PTPRG: variants seen among roughly 807,000 people sequenced by gnomAD.
PTPRG encodes protein tyrosine phosphatase receptor type G, also known as receptor-type tyrosine-protein phosphatase gamma.
Under a neutral mutation model 165.3 loss-of-function variants are expected in PTPRG, and 102 were observed. The ratio of observed to expected loss-of-function variants is 0.62; its 90% confidence interval spans 0.53 to 0.73. PTPRG has a LOEUF of 0.73. Ranked by LOEUF, PTPRG falls within the 30% of genes least tolerant of loss-of-function variation. The pLI, the probability that PTPRG is intolerant of heterozygous loss-of-function variation, is 0.00. For synonymous variants in PTPRG, 675 were observed against 669.5 expected, an observed-to-expected ratio of 1.01 and a Z score of -0.13; for missense variants, 1,866 against 1,861.4, an observed-to-expected ratio of 1.00 and a Z score of -0.05.
At chr3:61,871,810 G>A (rs768190170) in intron 2 of PTPRG, among the ~76,000 whole-genome samples, 3 of 152,156 alleles carry the variant, frequency 2.0e-5, no homozygotes, top group Non-Finnish European at 4.4e-5. Flanking sequence ...AACACGGCCT[G>A]CTTGCCTTCC....
chr3:61,950,886 T>A (rs2039883793), intron 2 of PTPRG, among the ~76,000 whole-genome samples: 1 of 152,234 alleles, frequency 6.6e-6, no homozygotes, highest in African/African-American at 2.4e-5. Context: ...AGAACGGGAT[T>A]TCTGGAAAAA....
chr3:62,265,581 A>G (rs1218062816), intron 17 of PTPRG, among the ~76,000 whole-genome samples: 1 of 152,130 alleles, frequency 6.6e-6, no homozygotes, highest in East Asian at 1.9e-4. Flanking sequence ...ATGTTACAAA[A>G]ACTCCAAGTT....
At chr3:61,601,449 G>C (rs1307780512) in intron 1 of PTPRG, among the ~76,000 whole-genome samples, 11 of 152,152 alleles carry the variant, frequency 7.2e-5, no homozygotes, top group Non-Finnish European at 1.5e-5. Context: ...TTATCTAGAG[G>C]AAAATTGCAA....
intron 2 of PTPRG, among the ~76,000 whole-genome samples, chr3:61,960,719 G>A (rs2040132175): frequency 6.6e-6 from 1 of 152,150 alleles, no homozygotes; most frequent in Admixed American, 6.5e-5. Flanking sequence ...CAGAAGACAA[G>A]ATGGTTTTAG....
rs59095615 is a variant in PTPRG at position 61,938,503 on chromosome 3, A to G, written c.191-51122A>G. Among the ~76,000 whole-genome samples, 521 of 152,330 alleles carry G rather than the reference A, an allele frequency of 3.4e-3. 5 individuals are homozygous for G. The highest frequency in any genetic ancestry group is 0.012 in the African/African-American group (500 of 41,580). ...TGTTCTTGAGGAATCTGTAAATGCC[A>G]GTTGAGAGGGGAAATTGATTTTGCG... On this transcript the variant is annotated intron_variant, in intron 2 of 29. Transcript: ENST00000474889.
chr3:61,907,134 TC>T (rs1401549844), intron 2 of PTPRG, among the ~76,000 whole-genome samples: 4 of 151,588 alleles, frequency 2.6e-5, no homozygotes, highest in Non-Finnish European at 5.9e-5. Flanking sequence ...TTCCCCAACT[TC>T]CCCCACCCCT....
rs566312345 is a variant in PTPRG, at chr3:62,135,371, G to C, written c.682+2703G>C. Among the ~76,000 whole-genome samples the C allele has an allele frequency of 2.6e-5, 4 of 151,978 alleles. No homozygotes were observed. The East Asian group carries it at 7.7e-4, about 29-fold the overall frequency. Reference sequence around the variant, plus strand: ...AGGGATTTGAATGATCTATTAATTTGAAGGAACATAAATAATCATGTCCTT... The same window carrying C: ...AGGGATTTGAATGATCTATTAATTTCAAGGAACATAAATAATCATGTCCTT... On this transcript the variant is annotated intron_variant, in intron 6 of 29. Coordinates refer to ENST00000474889, the MANE Select transcript of PTPRG (RefSeq NM_002841.4).
chr3:61,746,987 A>G (rs1199815879), intron 1 of PTPRG, among the ~76,000 whole-genome samples: 2 of 152,190 alleles, frequency 1.3e-5, no homozygotes. Flanking sequence ...AGCTGAGCAT[A>G]GTGGCATGCG....
chr3:61,748,106 A>T (rs1442683254), intron 1 of PTPRG, among the ~76,000 whole-genome samples: 1 of 152,220 alleles, frequency 6.6e-6, no homozygotes. Flanking sequence ...TCAAATATAC[A>T]TCACTAATCA....
intron 5 of PTPRG, among the ~76,000 whole-genome samples, chr3:62,083,841 TA>T (rs1320652525): frequency 6.6e-6 from 1 of 152,230 alleles, no homozygotes; most frequent in Non-Finnish European, 1.5e-5. Flanking sequence ...GCAACCTTCT[TA>T]ATGGATTTCA....
Position 62,213,048 on chromosome 3 carries a change from G to A in PTPRG, c.2156-5803G>A, listed in dbSNP as rs1700401865. Among the ~76,000 whole-genome samples, 1 of 152,140 alleles carries A rather than the reference G, an allele frequency of 6.6e-6. No homozygotes were observed. The highest frequency in any genetic ancestry group is 2.4e-5 in the African/African-American group (1 of 41,438). On this transcript the variant is annotated intron_variant, in intron 12 of 29. Transcript: ENST00000474889. This position sits in a 1 kb window ranked among gnomAD's most constrained non-coding sequence, Gnocchi z 4.4. The stretch of plus-strand genomic sequence containing the variant: ...CTTGGTGTCACAATTTGGGCATCAT[G>A]GAGGGAAGCAAACCCCCAGTAACTG...
At chr3:62,182,310 T>G (rs1263679948) in intron 8 of PTPRG, among the ~76,000 whole-genome samples, 1 of 152,252 alleles carries the variant, frequency 6.6e-6, no homozygotes, top group African/African-American at 2.4e-5. Context: ...AGGAATAGCT[T>G]TGTGATATCT....
intron 1 of PTPRG, among the ~76,000 whole-genome samples, chr3:61,629,475 A>C (rs1047206264): frequency 1.9e-4 from 29 of 152,160 alleles, no homozygotes; most frequent in Admixed American, 1.8e-3. Context: ...TTTATACCTC[A>C]AATGTTTTCT....
intron 2 of PTPRG, among the ~76,000 whole-genome samples, chr3:61,962,536 A>G (rs77820269): frequency 0.013 from 2,023 of 151,750 alleles, 38 homozygotes; most frequent in African/African-American, 0.046. Flanking sequence ...TTTGCTATTA[A>G]GGCTCATTTT....
intron 4 of PTPRG, among the ~76,000 whole-genome samples, chr3:62,054,833 C>T (rs1470889199): frequency 1.3e-5 from 2 of 152,120 alleles, no homozygotes; most frequent in Non-Finnish European, 1.5e-5. Flanking sequence ...ACAGTGCTTA[C>T]GTGAGAGGCA....
chr3:61,706,397 A>G, intron 1 of PTPRG, among the ~76,000 whole-genome samples: 1 of 152,096 alleles, frequency 6.6e-6, no homozygotes, highest in Non-Finnish European at 1.5e-5. Context: ...TATAACATGT[A>G]TAAAGCTAAC....
chr3:62,273,825 G>T lies in PTPRG; in HGVS notation c.3446G>T (p.Arg1149Leu). ...ILIPGVGGKT[R>L]LEKQFKLVTQ... Reference sequence around the variant, plus strand: ...ATACCAGGAGTAGGAGGAAAGACACGACTGGAAAAGCAATTCAAGGTAGTG... The same window carrying T: ...ATACCAGGAGTAGGAGGAAAGACACTACTGGAAAAGCAATTCAAGGTAGTG... Residue 1149 changes from arginine to leucine, a missense_variant, in exon 23 of 30, where the codon CGA becomes CTA. Around this residue, in one of 3 missense-constraint regions of PTPRG, gnomAD observed 1,452 missense variants for 1,463.0 expected, o/e 0.99. Coordinates refer to ENST00000474889, the MANE Select transcript of PTPRG (RefSeq NM_002841.4). The surrounding 1 kb of genome is among the most constrained non-coding windows in gnomAD (Gnocchi z 4.1). 1 of 1,613,650 alleles carries T rather than the reference G, an allele frequency of 6.2e-7. No individual in the cohort carries two copies. The highest frequency in any genetic ancestry group is 1.1e-5 in the South Asian group (1 of 91,026).
rs1370264818 is a variant in PTPRG at position 62,293,204 on chromosome 3, G to A, written c.4235G>A (p.Ser1412Asn). Residue 1412 changes from serine to asparagine, a missense_variant, in exon 30 of 30, where the codon AGC becomes AAC. By Grantham distance (46) the Ser-to-Asn change is conservative (BLOSUM62 1). Around this residue, in one of 3 missense-constraint regions of PTPRG, gnomAD observed 1,452 missense variants for 1,463.0 expected, o/e 0.99. Coordinates refer to ENST00000474889, the MANE Select transcript of PTPRG (RefSeq NM_002841.4). ...TATAAAGCAATGCTTAGCTTGGTCA[G>A]CACTAAAGAAAATGGAAATGGTCCC... ...FIYKAMLSLV[S>N]TKENGNGPMT... 5.6e-6 allele frequency: 9 copies of A among 1,609,990 alleles called. No homozygotes were observed. Among genetic ancestry groups the A allele is most frequent in the Non-Finnish European group, 7.6e-6 (9 of 1,178,550 alleles).
At chr3:61,610,815 CTCTTTGTTTT>C (rs1426359632) in intron 1 of PTPRG, among the ~76,000 whole-genome samples, 3 of 130,892 alleles carry the variant, frequency 2.3e-5, no homozygotes, top group Non-Finnish European at 4.8e-5. Context: ...CTCTATCTCT[CTCTTTGTTTT>C]TCTTTCTTTC....
Sources: gnomAD v4.1 joint callset for allele counts (sites outside exome capture counted in the v4.1 genomes callset) on GRCh38, gnomAD v4.1.1 for gene constraint, gnomAD v4.1.1 regional missense constraint, Gnocchi (gnomAD v3.1) non-coding constraint, MANE v1.5 for transcripts, NCBI Gene and HGNC (gene_info 2026-07-23, HGNC 2026-07-21) for gene names.